The following AUH variants were observed in gnomAD, a reference collection of about 807,000 sequenced individuals.
AUH encodes the protein AU RNA binding methylglutaconyl-CoA hydratase, also known as methylglutaconyl-CoA hydratase, mitochondrial.
AUH carries 29 observed loss-of-function variants against 42.3 expected under a neutral mutation model. That is an observed-to-expected ratio of 0.69 (90% CI 0.51 to 0.93). The LOEUF is 0.93. AUH is among the 40% of genes least tolerant of loss of function. The probability of loss-of-function intolerance (pLI) is 0.00; values close to 1 mark genes in which losing one functional copy is unlikely to be tolerated. For missense variants in AUH, 452 were observed against 438.1 expected, an observed-to-expected ratio of 1.03 and a Z score of -0.28; for synonymous variants, 174 against 166.4, an observed-to-expected ratio of 1.05 and a Z score of -0.35.
chr9:91,282,672 T>C (rs766355661), intron 6 of AUH, among the ~76,000 whole-genome samples: 7 of 152,110 alleles, frequency 4.6e-5, no homozygotes, highest in Non-Finnish European at 1.0e-4. Context: ...CATCAGAGAA[T>C]ACTATAAACA....
intron 6 of AUH, among the ~76,000 whole-genome samples, chr9:91,285,828 T>C (rs1272142216): frequency 6.6e-6 from 1 of 152,150 alleles, no homozygotes; most frequent in Non-Finnish European, 1.5e-5. Flanking sequence ...CAAGGTATGT[T>C]AATAATGTTA....
chr9:91,271,676 A>C (rs546383762), intron 6 of AUH, among the ~76,000 whole-genome samples: 2 of 152,180 alleles, frequency 1.3e-5, no homozygotes, highest in Admixed American at 6.5e-5. Context: ...CAAAATCTTC[A>C]ATATGCTTTG....
chr9:91,311,897 C>A (rs1331276755), intron 4 of AUH, among the ~76,000 whole-genome samples: 1 of 152,190 alleles, frequency 6.6e-6, no homozygotes, highest in African/African-American at 2.4e-5. Context: ...TGCTTCTAAT[C>A]CAGGCAACCT....
intron 6 of AUH, among the ~76,000 whole-genome samples, chr9:91,253,189 G>A (rs567755216): frequency 1.3e-3 from 201 of 152,098 alleles, no homozygotes; most frequent in African/African-American, 4.7e-3. Flanking sequence ...CTTTCTCAAG[G>A]GAAATTTGAA....
intron 6 of AUH, among the ~76,000 whole-genome samples, chr9:91,228,293 T>C (rs1178689136): frequency 6.6e-6 from 1 of 152,258 alleles, no homozygotes; most frequent in African/African-American, 2.4e-5. Context: ...AGAGTGTATG[T>C]GTCAAGGAAT....
chr9:91,307,993 G>C (rs535611183), intron 4 of AUH, among the ~76,000 whole-genome samples: 3 of 152,250 alleles, frequency 2.0e-5, no homozygotes. Flanking sequence ...AATACACTAC[G>C]TAAGTGTAAT....
chr9:91,305,346 T>A (rs1828129046), intron 4 of AUH, among the ~76,000 whole-genome samples: 1 of 152,240 alleles, frequency 6.6e-6, no homozygotes, highest in South Asian at 2.1e-4. Flanking sequence ...CATAGTCTAG[T>A]CTGAGTTCAG....
rs1829904054 is a variant in AUH at position 91,265,174 on chromosome 9, C to T, written c.655+30847G>A. On this transcript the variant is annotated intron_variant, in intron 6 of 9. Coordinates refer to ENST00000375731, the MANE Select transcript of AUH (RefSeq NM_001698.3). The stretch of plus-strand genomic sequence containing the variant: ...TTTTCCATCTCTGGGAATTATCTTC[C>T]TCCACTATTTTGATAATTTCCTCTC... Among the ~76,000 whole-genome samples the T allele has an allele frequency of 2.6e-5, 4 of 152,046 alleles. No homozygotes were observed. In the South Asian group the frequency reaches 8.3e-4, roughly 32 times the overall value.
intron 3 of AUH, among the ~76,000 whole-genome samples, chr9:91,328,421 G>A (rs995228605): frequency 2.0e-5 from 3 of 152,206 alleles, no homozygotes; most frequent in Non-Finnish European, 4.4e-5. Context: ...CAGGATGTAA[G>A]AGGCTGGAAA....
rs143959282 is a variant in AUH at position 91,230,819 on chromosome 9, G to C, written c.656-9827C>G. ...TCTGTTGGAGAACCCTGCAGTGTGA[G>C]GTATCAGTGTGCCCCTGCTGGAGGG... On this transcript the variant is annotated intron_variant, in intron 6 of 9. Transcript: ENST00000375731. 7.1e-3 allele frequency among the ~76,000 whole-genome samples: 1,087 copies of C among 152,332 alleles called. 7 individuals are homozygous for C. The highest frequency in any genetic ancestry group is 0.031 in the Middle Eastern group (9 of 294).
At chr9:91,319,744 C>T (rs1004434810) in intron 4 of AUH, among the ~76,000 whole-genome samples, 1 of 152,220 alleles carries the variant, frequency 6.6e-6, no homozygotes, top group Non-Finnish European at 1.5e-5. Context: ...GGCTGGCAGG[C>T]CACTGCGCAT....
In AUH at chr9:91,346,384, A is replaced by G. The variant is rs940342419; in HGVS notation, c.418+9499T>C. Among the ~76,000 whole-genome samples, 4 of 152,182 alleles carry G rather than the reference A, an allele frequency of 2.6e-5. 1 individual carries two copies. The highest frequency in any genetic ancestry group is 2.6e-4 in the Admixed American group (4 of 15,284). ...AGGGAGCTCCCAGGTTAGTGAACAC[A>G]TGGATGTGCTGGGTAAGTGGCACAC... is the stretch of plus-strand genomic sequence containing the variant. On this transcript the variant is annotated intron_variant, in intron 3 of 9. Coordinates refer to ENST00000375731, the MANE Select transcript of AUH (RefSeq NM_001698.3).
chr9:91,352,310 T>C (rs1832052276), intron 3 of AUH, among the ~76,000 whole-genome samples: 2 of 152,058 alleles, frequency 1.3e-5, no homozygotes. Flanking sequence ...GGACCAGCAT[T>C]GTATAATGCA....
chr9:91,228,728 T>C (rs920078616), intron 6 of AUH, among the ~76,000 whole-genome samples: 15 of 151,736 alleles, frequency 9.9e-5, no homozygotes, highest in South Asian at 4.2e-4. Context: ...GCTTTGAATG[T>C]GTCCCAGAGA....
chr9:91,352,119 T>C (rs1832033798), intron 3 of AUH, among the ~76,000 whole-genome samples: 1 of 151,788 alleles, frequency 6.6e-6, no homozygotes, highest in Admixed American at 6.6e-5. Flanking sequence ...CTACTAAAAT[T>C]ACAAAATTTA....
At chr9:91,332,440 T>C (rs1455368610) in intron 3 of AUH, among the ~76,000 whole-genome samples, 2 of 152,146 alleles carry the variant, frequency 1.3e-5, no homozygotes, top group Non-Finnish European at 2.9e-5. Flanking sequence ...AGGTGGAAGT[T>C]GCAGTGAGCC....
intron 3 of AUH, among the ~76,000 whole-genome samples, chr9:91,351,883 C>A (rs914823346): frequency 6.6e-6 from 1 of 152,176 alleles, no homozygotes; most frequent in Non-Finnish European, 1.5e-5. Flanking sequence ...GGCTACAAAC[C>A]TGTACAGTGA....
Position 91,296,005 on chromosome 9 carries a change from C to A in AUH, c.655+16G>T. 1 of 1,613,654 alleles carries A rather than the reference C, an allele frequency of 6.2e-7. No homozygotes were observed. Among genetic ancestry groups the A allele is most frequent in the Non-Finnish European group, 8.5e-7 (1 of 1,179,702 alleles). ...CCAAATCAAGGATTTGAGGAATGGG[C>A]GTGAACTACTCATACCTCCACCAGG... On this transcript the variant is annotated intron_variant, in intron 6 of 9. Coordinates refer to ENST00000375731, the MANE Select transcript of AUH (RefSeq NM_001698.3).
At chr9:91,253,023 G>T (rs912327516) in intron 6 of AUH, among the ~76,000 whole-genome samples, 3 of 152,134 alleles carry the variant, frequency 2.0e-5, no homozygotes, top group African/African-American at 4.8e-5. Flanking sequence ...ACTCTTCAGA[G>T]AATAATTCAT....
Sources: gnomAD v4.1 joint callset for allele counts (sites outside exome capture counted in the v4.1 genomes callset) on GRCh38, gnomAD v4.1.1 for gene constraint, MANE v1.5 for transcripts, NCBI Gene and HGNC (gene_info 2026-07-23, HGNC 2026-07-21) for gene names.